FBXO33: variants seen among roughly 807,000 people sequenced by gnomAD.
FBXO33 encodes F-box only protein 33.
FBXO33 carries 22 observed loss-of-function variants against 46.3 expected under a neutral mutation model. That is an observed-to-expected ratio of 0.48 (90% CI 0.34 to 0.68). The LOEUF is 0.68. Among genes scored for constraint, FBXO33 ranks in the 30% least tolerant of loss-of-function variants. FBXO33 has a pLI of 0.01. For missense variants in FBXO33, 692 were observed against 708.8 expected (o/e 0.98, Z 0.27); for synonymous variants, 337 against 291.3 (o/e 1.16, Z -1.60).
chr14:39,399,353 C>T lies in FBXO33; in HGVS notation c.*163G>A. ...TCACTTTGAACTTCTAAACCAATACCCGACTACGTTCTTTGATCAAGAAGT... is the reference window on the plus strand; with the variant it reads ...TCACTTTGAACTTCTAAACCAATACTCGACTACGTTCTTTGATCAAGAAGT... On this transcript the variant is annotated 3_prime_UTR_variant, in exon 4 of 4. Transcript: ENST00000298097. 1 of 611,044 alleles carries T rather than the reference C, an allele frequency of 1.6e-6. No homozygotes were observed. 37.9% of individuals were successfully genotyped at this position (611,044 alleles called of 1,614,324 possible). A position where few individuals can be genotyped will look rare whatever the true frequency, so the allele number is the denominator to read the frequency against.
intron 1 of FBXO33, among the ~76,000 whole-genome samples, chr14:39,404,480 C>T (rs1481200567): frequency 6.6e-6 from 1 of 152,096 alleles, no homozygotes; most frequent in African/African-American, 2.4e-5. Flanking sequence ...GCGCCCGCCA[C>T]CATGCCCAGC....
At chr14:39,419,307 A>G (rs900627881) in intron 1 of FBXO33, among the ~76,000 whole-genome samples, 2 of 152,248 alleles carry the variant, frequency 1.3e-5, no homozygotes, top group African/African-American at 4.8e-5. Flanking sequence ...ATTCAAAATG[A>G]AAATGTATTA....
chr14:39,432,241 A>G lies in FBXO33; in HGVS notation c.-79T>C. ...AGAACACAAGTTGTGGAGAGGGGGA[A>G]AGGCCTCTGCGGGCGTGGCCTGCCG... On this transcript the variant is annotated 5_prime_UTR_variant, in exon 1 of 4. Coordinates refer to ENST00000298097, the MANE Select transcript of FBXO33 (RefSeq NM_203301.4). The G allele has an allele frequency of 9.0e-7, 1 of 1,116,298 alleles. No homozygotes were observed. Among genetic ancestry groups the G allele is most frequent in the East Asian group, 4.0e-5 (1 of 25,106 alleles). The allele number at this position is 1,116,298 out of a possible 1,614,324, so 69.1% of individuals were successfully genotyped here.
intron 3 of FBXO33, 90 bp downstream of exon 3, chr14:39,401,086 A>G: frequency 8.6e-7 from 1 of 1,163,360 alleles, no homozygotes; most frequent in African/African-American, 1.5e-5. Flanking sequence ...AGATTTCTTG[A>G]TACTATAAAG....
chr14:39,421,254 A>G (rs1047779631), intron 1 of FBXO33, among the ~76,000 whole-genome samples: 10 of 152,244 alleles, frequency 6.6e-5, no homozygotes, highest in Non-Finnish European at 1.0e-4. Flanking sequence ...CAACAGTTGA[A>G]TAACAAACCA....
Position 39,401,686 on chromosome 14 carries a change from G to A in FBXO33, c.886C>T (p.Leu296Phe). The part of the protein sequence containing the change: ...LDNNIPGNST[L>F]ITAVELERFV... The stretch of plus-strand genomic sequence containing the variant: ...CGCTCCAGTTCAACTGCAGTAATAA[G>A]AGTGCTGTTACCAGGAATATTATTG... Residue 296 changes from leucine to phenylalanine, a missense_variant, in exon 3 of 4, where the codon CTT becomes TTT. Physicochemically the swap from Leu to Phe is conservative, Grantham distance 22. This residue lies in a region of FBXO33 where 186 missense variants were observed against 246.1 expected (regional missense o/e 0.76). Transcript: ENST00000298097. 3 of 1,614,214 alleles carry A rather than the reference G, an allele frequency of 1.9e-6. No individual in the cohort carries two copies. The highest frequency in any genetic ancestry group is 2.5e-6 in the Non-Finnish European group (3 of 1,180,044).
intron 1 of FBXO33, among the ~76,000 whole-genome samples, chr14:39,418,034 CT>C (rs199628299): frequency 0.026 from 3,959 of 151,088 alleles, 153 homozygotes; most frequent in African/African-American, 0.09. Context: ...ATCTGGTGGA[CT>C]TTTTTTTTGT....
chr14:39,420,709 G>A (rs924468081), intron 1 of FBXO33, among the ~76,000 whole-genome samples: 1 of 152,074 alleles, frequency 6.6e-6, no homozygotes, highest in African/African-American at 2.4e-5. Flanking sequence ...AAGCAAGCAA[G>A]CAGCAAATGT....
chr14:39,431,734 G>C lies in FBXO33; in HGVS notation c.429C>G (p.Phe143Leu). 1.9e-6 allele frequency: 3 copies of C among 1,613,086 alleles called. No individual in the cohort carries two copies. The highest frequency in any genetic ancestry group is 2.5e-6 in the Non-Finnish European group (3 of 1,179,966). ...CGCCGCTCAGATAGTTCTCGGCGGCGAATTCAACACGCAGCTCTCGCACGA... is the reference window on the plus strand; with the variant it reads ...CGCCGCTCAGATAGTTCTCGGCGGCCAATTCAACACGCAGCTCTCGCACGA... Reference protein sequence around the residue: ...GWFVRELRVEFAAENYLSGGG... With the variant: ...GWFVRELRVELAAENYLSGGG... The change falls in exon 1 of 4, where the codon TTC (phenylalanine) becomes TTG (leucine). Residue 143 changes from phenylalanine to leucine, a missense_variant. Physicochemically the swap from Phe to Leu is conservative, Grantham distance 22 (BLOSUM62 0). Around this residue, in one of 3 missense-constraint regions of FBXO33, gnomAD observed 412 missense variants for 370.8 expected, o/e 1.11. Transcript: ENST00000298097.
At chr14:39,425,801 C>T (rs1040797857) in intron 1 of FBXO33, among the ~76,000 whole-genome samples, 6 of 152,220 alleles carry the variant, frequency 3.9e-5, no homozygotes, top group South Asian at 2.1e-4. Flanking sequence ...GACTATTGAG[C>T]GCTCGAAATG....
At position 39,427,213 on chromosome 14, in the gene FBXO33, T is replaced by G. The variant is rs192533255; in HGVS notation, c.599+4351A>C. The stretch of plus-strand genomic sequence containing the variant: ...CTTGAGTTTTACACCCTATTCCATC[T>G]ATCAGTTGCCAATACAGCTGTGGAA... On this transcript the variant is annotated intron_variant, in intron 1 of 3. Transcript: ENST00000298097. Among the ~76,000 whole-genome samples, 4 of 152,348 alleles carry G rather than the reference T, an allele frequency of 2.6e-5. No homozygotes were observed. The East Asian group carries it at 7.7e-4, about 29-fold the overall frequency.
rs750980135 is a variant in FBXO33 at position 39,399,738 on chromosome 14, G to T, written c.1446C>A (p.Gly482=). The change falls in exon 4 of 4, where the codon GGC becomes GGA. Residue 482 remains glycine (G), a synonymous_variant. Transcript: ENST00000298097. The part of the protein sequence containing the change: ...HNLIAIARLR[G]SDLKVLEVTE... ...TGACTTCAAGCACTTTCAGATCAGA[G>T]CCCCGAAGACGAGCAATGGCAATGA... is the stretch of plus-strand genomic sequence containing the variant. 6.2e-7 allele frequency: 1 copy of T among 1,611,630 alleles called. No homozygotes were observed. Among genetic ancestry groups the T allele is most frequent in the African/African-American group, 1.3e-5 (1 of 74,886 alleles).
rs553415495 is a variant in FBXO33 at position 39,431,602 on chromosome 14, C to T, written c.561G>A (p.Glu187=). 20 of 1,613,416 alleles carry T rather than the reference C, an allele frequency of 1.2e-5. No homozygotes were observed. Among genetic ancestry groups the T allele is most frequent in the Non-Finnish European group, 1.7e-5 (20 of 1,180,020 alleles). ...RWLEVLRTYL[E]LVLCVLVSIR... ...TGCTGACCAGCACGCAAAGCACCAG[C>T]TCCAAGTAGGTGCGCAGCACTTCCA... The change falls in exon 1 of 4, where the codon GAG becomes GAA. Residue 187 remains glutamate, a synonymous_variant. Coordinates refer to ENST00000298097, the MANE Select transcript of FBXO33 (RefSeq NM_203301.4).
chr14:39,402,640 GT>G (rs1442375166), intron 1 of FBXO33, 129 bp from the exon 2 acceptor site: 7 of 313,824 alleles, frequency 2.2e-5, no homozygotes, highest in African/African-American at 4.4e-5. Context: ...TTAGAATCCA[GT>G]TAAGTACTTT....
rs1416151990 is a variant in FBXO33, at chr14:39,402,477, T to A, written c.634A>T (p.Ser212Cys). The A allele has an allele frequency of 6.4e-7, 1 of 1,553,102 alleles. No individual in the cohort carries two copies. Among genetic ancestry groups the A allele is most frequent in the Non-Finnish European group, 8.7e-7 (1 of 1,148,862 alleles). The change falls in exon 2 of 4, where the codon AGT (serine) becomes TGT (cysteine). Residue 212 changes from serine (S) to cysteine (C), a missense_variant. Around this residue, in one of 3 missense-constraint regions of FBXO33, gnomAD observed 412 missense variants for 370.8 expected, o/e 1.11. Transcript: ENST00000298097. ...LQKFSLFGDI[S>C]VLQQQGSLSN... ...AAACTTCCTTGCTGTTGTAGAACACTTATGTCTCCAAAAAGACTAAACTTC... is the reference window on the plus strand; with the variant it reads ...AAACTTCCTTGCTGTTGTAGAACACATATGTCTCCAAAAAGACTAAACTTC...
intron 1 of FBXO33, among the ~76,000 whole-genome samples, chr14:39,423,884 T>C (rs929010451): frequency 1.1e-4 from 16 of 152,200 alleles, no homozygotes; most frequent in African/African-American, 3.6e-4. Flanking sequence ...TGTGTAATAC[T>C]GAGGTCTGAG....
intron 1 of FBXO33, among the ~76,000 whole-genome samples, chr14:39,421,028 C>G (rs1317840963): frequency 6.6e-6 from 1 of 152,192 alleles, no homozygotes; most frequent in African/African-American, 2.4e-5. Context: ...AAGCATGGCA[C>G]TATGAACAGG....
At chr14:39,413,673 G>A (rs1439936962) in intron 1 of FBXO33, among the ~76,000 whole-genome samples, 1 of 152,194 alleles carries the variant, frequency 6.6e-6, no homozygotes, top group Admixed American at 6.5e-5. Context: ...GGATCCATGG[G>A]CTGCAGAACA....
chr14:39,431,547 G>T lies in FBXO33; in HGVS notation c.599+17C>A. 3 of 1,609,096 alleles carry T rather than the reference G, an allele frequency of 1.9e-6. No homozygotes were observed. Among genetic ancestry groups the T allele is most frequent in the East Asian group, 4.5e-5 (2 of 44,870 alleles). On this transcript the variant is annotated intron_variant, in intron 1 of 3. Coordinates refer to ENST00000298097, the MANE Select transcript of FBXO33 (RefSeq NM_203301.4). ...ACCCCCCGTTACCGGGCGGGGCGGGGCTCAGGGCAAGCCTACCTGTTGTTC... is the reference window on the plus strand; with the variant it reads ...ACCCCCCGTTACCGGGCGGGGCGGGTCTCAGGGCAAGCCTACCTGTTGTTC...
Sources: allele counts gnomAD v4.1 joint callset (sites outside exome capture counted in the v4.1 genomes callset), GRCh38; gene constraint gnomAD v4.1.1; regional missense constraint gnomAD v4.1.1; transcripts MANE v1.5; gene names NCBI Gene and HGNC (gene_info 2026-07-23, HGNC 2026-07-21).